SCHIP1: variants seen among roughly 807,000 people sequenced by gnomAD.
SCHIP1 encodes schwannomin interacting protein 1, also known as schwannomin-interacting protein 1.
In SCHIP1, 8 loss-of-function variants were observed where a neutral mutation model predicts 29.7. The observed-to-expected ratio is 0.27, with a 90% CI of 0.16 to 0.49. The LOEUF is 0.49. SCHIP1 is among the 20% of genes least tolerant of loss of function. The probability of loss-of-function intolerance (pLI) is 0.99; values close to 1 mark genes in which losing one functional copy is unlikely to be tolerated. For missense variants in SCHIP1, 193 were observed against 294.6 expected, an observed-to-expected ratio of 0.66 and a Z score of 2.52; for synonymous variants, 76 against 94.9, an observed-to-expected ratio of 0.80 and a Z score of 1.16.
the SCHIP1 span, among the ~76,000 whole-genome samples, chr3:159,802,295 A>G: frequency 6.6e-6 from 1 of 152,266 alleles, no homozygotes; most frequent in Non-Finnish European, 1.5e-5. Flanking sequence ...GCAAAGCCAA[A>G]AAAATGCTCC....
chr3:159,379,433 G>T, the SCHIP1 span, among the ~76,000 whole-genome samples: 55 of 152,270 alleles, frequency 3.6e-4, no homozygotes, highest in African/African-American at 1.3e-3. Flanking sequence ...ATGTTGGCCA[G>T]GCTGGTCTCA....
chr3:159,876,129 A>G (rs1715780899), intron 2 of SCHIP1, among the ~76,000 whole-genome samples: 1 of 152,216 alleles, frequency 6.6e-6, no homozygotes, highest in Admixed American at 6.5e-5. Flanking sequence ...AGATCCTGCC[A>G]TATTTGTCCC....
chr3:159,620,291 G>A, the SCHIP1 span, among the ~76,000 whole-genome samples: 1 of 152,314 alleles, frequency 6.6e-6, no homozygotes, highest in East Asian at 1.9e-4. Flanking sequence ...GCCACTGAGT[G>A]TTGCATATTT....
the SCHIP1 span, among the ~76,000 whole-genome samples, chr3:159,789,181 G>A: frequency 2.0e-5 from 3 of 151,990 alleles, no homozygotes; most frequent in African/African-American, 4.8e-5. Flanking sequence ...ATGCAGTTTC[G>A]AGGGCTGGCA....
At chr3:159,575,940 A>G in the SCHIP1 span, among the ~76,000 whole-genome samples, 1 of 152,136 alleles carries the variant, frequency 6.6e-6, no homozygotes, top group Non-Finnish European at 1.5e-5. Flanking sequence ...TACATCATGT[A>G]TTCTAATTAC....
chr3:159,673,211 C>A, the SCHIP1 span, among the ~76,000 whole-genome samples: 3 of 152,134 alleles, frequency 2.0e-5, no homozygotes, highest in Non-Finnish European at 4.4e-5. Context: ...TGGGTCTCTG[C>A]CTTAATTAAG....
chr3:159,374,890 A>G, the SCHIP1 span, among the ~76,000 whole-genome samples: 17 of 152,234 alleles, frequency 1.1e-4, no homozygotes, highest in Non-Finnish European at 4.4e-5. Context: ...CAAAACTGCC[A>G]TGTGTTCTAA....
chr3:159,373,313 A>G, the SCHIP1 span, among the ~76,000 whole-genome samples: 2 of 151,552 alleles, frequency 1.3e-5, no homozygotes. Flanking sequence ...TACTATATAC[A>G]TATTATAGTA....
At chr3:159,589,637 C>G in the SCHIP1 span, among the ~76,000 whole-genome samples, 1 of 152,116 alleles carries the variant, frequency 6.6e-6, no homozygotes, top group Non-Finnish European at 1.5e-5. Flanking sequence ...CTAAACTTTA[C>G]ACATGTGTAC....
chr3:159,809,253 T>G, the SCHIP1 span, among the ~76,000 whole-genome samples: 1 of 152,036 alleles, frequency 6.6e-6, no homozygotes, highest in South Asian at 2.1e-4. Flanking sequence ...TTTTCTGTCC[T>G]TGTGATAGTT....
the SCHIP1 span, among the ~76,000 whole-genome samples, chr3:159,696,114 C>T: frequency 3.3e-4 from 50 of 152,276 alleles, no homozygotes; most frequent in African/African-American, 1.1e-3. Context: ...TATGTCACTT[C>T]GTGTTCTGAA....
the SCHIP1 span, among the ~76,000 whole-genome samples, chr3:159,722,942 A>T: frequency 1.2e-4 from 18 of 152,268 alleles, no homozygotes; most frequent in African/African-American, 4.1e-4. Flanking sequence ...GAGCAGGAAG[A>T]CTAGATGTGG....
At chr3:159,772,367 C>A in the SCHIP1 span, among the ~76,000 whole-genome samples, 1 of 152,200 alleles carries the variant, frequency 6.6e-6, no homozygotes, top group Non-Finnish European at 1.5e-5. Context: ...TGGTCTCGAA[C>A]TCCTGACCTC....
At chr3:159,322,603 C>T in the SCHIP1 span, among the ~76,000 whole-genome samples, 1,183 of 152,270 alleles carry the variant, frequency 7.8e-3, 18 homozygotes, top group African/African-American at 0.027. Context: ...CCCAGCTGAG[C>T]CCATTCCTTA....
the SCHIP1 span, among the ~76,000 whole-genome samples, chr3:159,484,894 T>A: frequency 6.6e-6 from 1 of 152,284 alleles, no homozygotes; most frequent in Admixed American, 6.5e-5. Flanking sequence ...AGAAAGATAA[T>A]GTTTAGTTTT....
At chr3:159,811,510 A>G in the SCHIP1 span, among the ~76,000 whole-genome samples, 2 of 152,230 alleles carry the variant, frequency 1.3e-5, no homozygotes, top group Non-Finnish European at 2.9e-5. Flanking sequence ...GCAGATATCC[A>G]GTTGTCCCAG....
the SCHIP1 span, among the ~76,000 whole-genome samples, chr3:159,798,763 A>T: frequency 5.4e-3 from 817 of 152,154 alleles, 7 homozygotes; most frequent in Non-Finnish European, 8.3e-3. Context: ...GTCTCAAAAA[A>T]CAAAAACAAA....
At chr3:159,466,851 G>A in the SCHIP1 span, among the ~76,000 whole-genome samples, 1 of 152,018 alleles carries the variant, frequency 6.6e-6, no homozygotes, top group Non-Finnish European at 1.5e-5. Flanking sequence ...TCTCTCCTAG[G>A]TTAATACCAA....
the SCHIP1 span, among the ~76,000 whole-genome samples, chr3:159,618,900 T>TC: frequency 1.3e-5 from 2 of 152,188 alleles, no homozygotes; most frequent in African/African-American, 4.8e-5. Flanking sequence ...TAGGCCGTTT[T>TC]CCCCTTTGAT....
Sources: allele counts gnomAD v4.1 joint callset (sites outside exome capture counted in the v4.1 genomes callset), GRCh38; gene constraint gnomAD v4.1.1; transcripts MANE v1.5; gene names NCBI Gene and HGNC (gene_info 2026-07-23, HGNC 2026-07-21).